Variants in CD300A observed in about 807,000 individuals in gnomAD.
CD300A encodes CD300a molecule.
Under a neutral mutation model 33.6 loss-of-function variants are expected in CD300A, and 22 were observed. That is an observed-to-expected ratio of 0.66 (90% CI 0.47 to 0.94). The LOEUF is 0.94. Ranked by LOEUF, CD300A falls within the 40% of genes least tolerant of loss-of-function variation. The pLI is 0.00. For missense variants in CD300A, 326 were observed against 360.5 expected (o/e 0.90, Z 0.77); for synonymous variants, 136 against 148.1 (o/e 0.92, Z 0.59).
intron 2 of CD300A, 92 bp downstream of exon 2, chr17:74,473,966 G>A: frequency 1.4e-6 from 2 of 1,407,632 alleles, no homozygotes; most frequent in Non-Finnish European, 2.0e-6. Flanking sequence ...GACAGTGTGT[G>A]TGTGTGTGTG....
At position 74,484,060 on chromosome 17, in the gene CD300A, G is replaced by C. The variant is rs1004160329; in HGVS notation, c.834G>C (p.Arg278Ser). Reference sequence around the variant, plus strand: ...TGGTGTTTGATTCTAACACCAACAGGATAGCTGCTCAGAGGCCTCGGGAGG... The same window carrying C: ...TGGTGTTTGATTCTAACACCAACAGCATAGCTGCTCAGAGGCCTCGGGAGG... ...ASVVFDSNTN[R>S]IAAQRPREEE... Residue 278 changes from arginine (R) to serine (S), a missense_variant, in exon 7 of 7, where the codon AGG (arginine) becomes AGC (serine). Coordinates refer to ENST00000360141, the MANE Select transcript of CD300A (RefSeq NM_007261.4). 3 of 1,614,054 alleles carry C rather than the reference G, an allele frequency of 1.9e-6. No homozygotes were observed. Among genetic ancestry groups the C allele is most frequent in the South Asian group, 2.2e-5 (2 of 91,078 alleles).
At chr17:74,477,753 A>G (rs1906571703) in intron 4 of CD300A, among the ~76,000 whole-genome samples, 1 of 152,020 alleles carries the variant, frequency 6.6e-6, no homozygotes, top group Admixed American at 6.5e-5. Context: ...AGGCTTTCCC[A>G]CTTCCAGGCC....
At chr17:74,469,617 G>A (rs1384977986) in intron 1 of CD300A, among the ~76,000 whole-genome samples, 2 of 152,190 alleles carry the variant, frequency 1.3e-5, no homozygotes, top group Non-Finnish European at 2.9e-5. Flanking sequence ...TTGAGGTCAG[G>A]AGTTTGAGAC....
chr17:74,470,532 G>A (rs540114021), intron 1 of CD300A, among the ~76,000 whole-genome samples: 4 of 152,258 alleles, frequency 2.6e-5, no homozygotes, highest in Non-Finnish European at 5.9e-5. Flanking sequence ...GGTCAGGAGA[G>A]AAGCCAAAAC....
At chr17:74,467,779 G>A (rs547728247) in intron 1 of CD300A, among the ~76,000 whole-genome samples, 1 of 152,210 alleles carries the variant, frequency 6.6e-6, no homozygotes, top group African/African-American at 2.4e-5. Flanking sequence ...ATTCTCTTGG[G>A]TGTTCTTCTG....
chr17:74,473,466 C>A, intron 1 of CD300A, 70 bp from the exon 2 acceptor site: 1 of 1,476,860 alleles, frequency 6.8e-7, no homozygotes, highest in South Asian at 1.3e-5. Flanking sequence ...GTCCATGCGG[C>A]CCTGACCCCA....
In CD300A at chr17:74,481,331, G is replaced by T. The variant is rs370954140; in HGVS notation, c.666+5G>T. The T allele has an allele frequency of 1.2e-6, 2 of 1,613,654 alleles. No individual in the cohort carries two copies. The highest frequency in any genetic ancestry group is 2.7e-5 in the African/African-American group (2 of 74,886). Reference sequence around the variant, plus strand: ...CTGTCCCAGAACCCCAAGCAGGTAAGGGGGCTTTAGCAGGAGGTGTATCAG... The same window carrying T: ...CTGTCCCAGAACCCCAAGCAGGTAATGGGGCTTTAGCAGGAGGTGTATCAG... On this transcript the variant is annotated splice_donor_5th_base_variant and intron_variant, in intron 5 of 6. Transcript: ENST00000360141.
intron 6 of CD300A, among the ~76,000 whole-genome samples, chr17:74,483,152 T>C (rs912881557): frequency 2.0e-5 from 3 of 152,130 alleles, no homozygotes; most frequent in African/African-American, 7.2e-5. Flanking sequence ...TTAAAGTGGA[T>C]GGCACATGGT....
chr17:74,481,841 C>T lies in CD300A; in HGVS notation c.774+8C>T, dbSNP rs1360164731. On this transcript the variant is annotated splice_region_variant and intron_variant, in intron 6 of 6. Transcript: ENST00000360141. ...GTGGAATACAGCACTGTGGTAAGTG[C>T]AGGAGCCCGGCTTTTGGGCATGCGG... The T allele has an allele frequency of 1.9e-6, 3 of 1,599,744 alleles. No individual in the cohort carries two copies. Among genetic ancestry groups the T allele is most frequent in the Non-Finnish European group, 2.6e-6 (3 of 1,172,134 alleles).
At chr17:74,481,207 C>A in intron 4 of CD300A, 82 bp from the exon 5 acceptor site, 2 of 1,352,286 alleles carry the variant, frequency 1.5e-6, no homozygotes, top group Non-Finnish European at 2.1e-6. Context: ...TAGGGAAAGG[C>A]CTTTTCCCAG....
chr17:74,473,390 C>T (rs926866616), intron 1 of CD300A, 146 bp from the exon 2 acceptor site: 9 of 721,120 alleles, frequency 1.2e-5, no homozygotes, highest in Non-Finnish European at 2.1e-5. Flanking sequence ...AGCCTCTCAT[C>T]CTCAGTCCCC....
intron 4 of CD300A, among the ~76,000 whole-genome samples, chr17:74,478,421 C>T (rs1397524808): frequency 6.6e-6 from 1 of 152,214 alleles, no homozygotes; most frequent in African/African-American, 2.4e-5. Flanking sequence ...CAGGGGCCTC[C>T]AGGCAATCTC....
chr17:74,481,257 A>ATG, intron 4 of CD300A, 32 bp from the exon 5 acceptor site: 1 of 1,612,500 alleles, frequency 6.2e-7, no homozygotes. Flanking sequence ...TTGTTCCGGG[A>ATG]TTCAACCTCC....
chr17:74,473,909 T>G (rs1906283350), intron 2 of CD300A, 35 bp downstream of exon 2: 1 of 1,592,478 alleles, frequency 6.3e-7, no homozygotes, highest in African/African-American at 1.3e-5. Flanking sequence ...CTAAATAGGC[T>G]CAGGTTGGAA....
At chr17:74,477,577 C>A in intron 4 of CD300A, 47 bp downstream of exon 4, 1 of 1,261,516 alleles carries the variant, frequency 7.9e-7, no homozygotes, top group Non-Finnish European at 1.2e-6. Context: ...GGTGGTCAGA[C>A]CCTGACCACA....
chr17:74,479,025 G>T (rs1335180786), intron 4 of CD300A, among the ~76,000 whole-genome samples: 1 of 152,084 alleles, frequency 6.6e-6, no homozygotes, highest in East Asian at 1.9e-4. Context: ...AAAGTCTCTG[G>T]CTCCTCAAAG....
At chr17:74,483,256 G>A (rs1907032506) in intron 6 of CD300A, among the ~76,000 whole-genome samples, 1 of 152,154 alleles carries the variant, frequency 6.6e-6, no homozygotes, top group Non-Finnish European at 1.5e-5. Context: ...CAGTACCCCT[G>A]TACTGGCTTC....
In CD300A at chr17:74,480,424, T is replaced by C. The variant is rs564939353; in HGVS notation, c.629-865T>C. Among the ~76,000 whole-genome samples the C allele has an allele frequency of 6.6e-6, 1 of 152,264 alleles. No individual in the cohort carries two copies. The highest frequency in any genetic ancestry group is 2.1e-4 in the South Asian group (1 of 4,830). On this transcript the variant is annotated intron_variant, in intron 4 of 6. Coordinates refer to ENST00000360141, the MANE Select transcript of CD300A (RefSeq NM_007261.4). This position sits in a 1 kb window ranked among gnomAD's most constrained non-coding sequence, Gnocchi z 4.2. ...GAAAGGGTTAGGGTGTACAGGGCTG[T>C]GCTCATAGGCAGCACCCTTATAGAG...
At chr17:74,474,196 C>A (rs75856925) in intron 2 of CD300A, among the ~76,000 whole-genome samples, 1 of 145,016 alleles carries the variant, frequency 6.9e-6, no homozygotes, top group Non-Finnish European at 1.5e-5. Flanking sequence ...GGCTGGGGGG[C>A]CAGATGGGAA....
Sources: allele counts gnomAD v4.1 joint callset (sites outside exome capture counted in the v4.1 genomes callset), GRCh38; gene constraint gnomAD v4.1.1; non-coding constraint Gnocchi (gnomAD v3.1); transcripts MANE v1.5; gene names NCBI Gene and HGNC (gene_info 2026-07-23, HGNC 2026-07-21).